Variants in C1orf185 observed in about 807,000 individuals in gnomAD.
C1orf185 encodes the protein uncharacterized protein C1orf185.
A neutral mutation model predicts 16.1 loss-of-function variants in C1orf185; 13 were observed. The ratio of observed to expected loss-of-function variants is 0.81; its 90% confidence interval spans 0.53 to 1.28. The LOEUF is 1.28. Among genes scored for constraint, C1orf185 ranks in the 50% most tolerant of loss-of-function variants. C1orf185 has a pLI of 0.00. For synonymous variants in C1orf185, 80 were observed against 76.9 expected (o/e 1.04, Z -0.21); for missense variants, 220 against 225.2 (o/e 0.98, Z 0.15).
At chr1:51,130,029 A>T (rs1160134646) in intron 3 of C1orf185, among the ~76,000 whole-genome samples, 1 of 152,184 alleles carries the variant, frequency 6.6e-6, no homozygotes, top group Non-Finnish European at 1.5e-5. Flanking sequence ...TGAGTAGTAT[A>T]ACATTGTGTG....
At chr1:51,121,547 G>A (rs917351232) in intron 3 of C1orf185, among the ~76,000 whole-genome samples, 4 of 152,034 alleles carry the variant, frequency 2.6e-5, no homozygotes, top group African/African-American at 9.7e-5. Flanking sequence ...AAAGTTTAAG[G>A]TAGTGCTAAC....
intron 3 of C1orf185, among the ~76,000 whole-genome samples, chr1:51,125,425 A>C (rs935409595): frequency 3.9e-5 from 6 of 152,120 alleles, no homozygotes; most frequent in Non-Finnish European, 7.4e-5. Flanking sequence ...TTTTAGTTTT[A>C]AGTTTTTAGT....
downstream of C1orf185, among the ~76,000 whole-genome samples, chr1:51,149,988 C>T (rs1646422744): frequency 6.6e-6 from 1 of 152,160 alleles, no homozygotes; most frequent in Non-Finnish European, 1.5e-5. Flanking sequence ...GGCCTAGCTT[C>T]AACTGTTGTT....
At chr1:51,130,119 A>G (rs1646272276) in intron 3 of C1orf185, among the ~76,000 whole-genome samples, 1 of 152,184 alleles carries the variant, frequency 6.6e-6, no homozygotes, top group Non-Finnish European at 1.5e-5. Context: ...TGCAGCTTGC[A>G]CATAAAGGGC....
chr1:51,124,237 A>T (rs892830067), intron 3 of C1orf185, among the ~76,000 whole-genome samples: 1 of 152,060 alleles, frequency 6.6e-6, no homozygotes, highest in Non-Finnish European at 1.5e-5. Context: ...GCCCGCCACC[A>T]TGCCCGGCTA....
intron 3 of C1orf185, among the ~76,000 whole-genome samples, chr1:51,122,766 G>A (rs1646207166): frequency 6.6e-6 from 1 of 151,978 alleles, no homozygotes; most frequent in Non-Finnish European, 1.5e-5. Context: ...TCTAACCCCT[G>A]GCAACCCCTG....
intron 3 of C1orf185, among the ~76,000 whole-genome samples, chr1:51,126,181 T>G (rs1036605755): frequency 1.3e-5 from 2 of 152,232 alleles, no homozygotes; most frequent in African/African-American, 4.8e-5. Context: ...CCACTGCAAC[T>G]GAGAAACTCA....
chr1:51,135,026 C>T (rs1302284962), intron 3 of C1orf185, among the ~76,000 whole-genome samples: 1 of 152,142 alleles, frequency 6.6e-6, no homozygotes, highest in Non-Finnish European at 1.5e-5. Context: ...GATACCAAAA[C>T]CTGGCAGAGA....
intron 3 of C1orf185, among the ~76,000 whole-genome samples, chr1:51,122,770 A>T (rs1646207228): frequency 6.6e-6 from 1 of 152,084 alleles, no homozygotes; most frequent in South Asian, 2.1e-4. Context: ...ACCCCTGGCA[A>T]CCCCTGATCC....
intron 3 of C1orf185, among the ~76,000 whole-genome samples, chr1:51,137,669 A>T (rs928725019): frequency 6.6e-6 from 1 of 152,244 alleles, no homozygotes; most frequent in African/African-American, 2.4e-5. Flanking sequence ...TTAAAAACAG[A>T]AATACCATTT....
chr1:51,125,236 C>G lies in C1orf185; in HGVS notation c.258+6435C>G, dbSNP rs534306451. ...AGAAAAATTAATGCTCCAATGCCCA[C>G]CCACAGCATCACATTATCTATTTAT... On this transcript the variant is annotated intron_variant, in intron 3 of 4. Transcript: ENST00000371759. 1.2e-4 allele frequency among the ~76,000 whole-genome samples: 18 copies of G among 152,310 alleles called. No individual in the cohort carries two copies. In the South Asian group the frequency reaches 3.3e-3, roughly 28 times the overall value.
At chr1:51,114,402 G>A (rs919118491) in intron 2 of C1orf185, among the ~76,000 whole-genome samples, 7 of 152,152 alleles carry the variant, frequency 4.6e-5, no homozygotes, top group African/African-American at 1.7e-4. Context: ...AGCCCCATGA[G>A]GTAAAAGTAA....
chr1:51,131,663 A>T (rs1199056180), intron 3 of C1orf185, among the ~76,000 whole-genome samples: 1 of 152,176 alleles, frequency 6.6e-6, no homozygotes, highest in Non-Finnish European at 1.5e-5. Context: ...TTAAAAAGAT[A>T]GTTAAGCTTA....
intron 3 of C1orf185, among the ~76,000 whole-genome samples, chr1:51,124,379 G>T (rs1008942978): frequency 1.3e-5 from 2 of 152,236 alleles, no homozygotes; most frequent in African/African-American, 4.8e-5. Context: ...ACTGTACCTG[G>T]CCTCTTTGCA....
rs1485027973 is a variant in C1orf185 at position 51,116,314 on chromosome 1, C to CT, written c.123-2352_123-2351insT. Among the ~76,000 whole-genome samples the CT allele has an allele frequency of 1.1e-4, 16 of 146,592 alleles. No homozygotes were observed. In the East Asian group the frequency reaches 2.4e-3, roughly 22 times the overall value. ...GGCAAATCTGATCAAGTCACCCTAC[C>CT]CTTTTTTTTTTTTTTTTTGAAACGG... On this transcript the variant is annotated intron_variant, in intron 2 of 4. Coordinates refer to ENST00000371759, the MANE Select transcript of C1orf185 (RefSeq NM_001136508.2).
chr1:51,111,950 C>A (rs1198518355), intron 1 of C1orf185, among the ~76,000 whole-genome samples: 1 of 152,206 alleles, frequency 6.6e-6, no homozygotes. Flanking sequence ...GCATGAGCCG[C>A]CACGCCCATC....
At chr1:51,103,450 A>AC (rs756442424) in intron 1 of C1orf185, among the ~76,000 whole-genome samples, 1,060 of 51,862 alleles carry the variant, frequency 0.02, 7 homozygotes, top group African/African-American at 0.033. Context: ...CACACACACA[A>AC]AAACCACGAA....
intron 3 of C1orf185, among the ~76,000 whole-genome samples, chr1:51,126,915 A>G (rs1271209610): frequency 6.6e-6 from 1 of 151,840 alleles, no homozygotes; most frequent in Non-Finnish European, 1.5e-5. Context: ...TTCTTGTTTA[A>G]CCTAACCTTT....
At chr1:51,133,745 G>C (rs938188394) in intron 3 of C1orf185, among the ~76,000 whole-genome samples, 1 of 152,326 alleles carries the variant, frequency 6.6e-6, no homozygotes, top group South Asian at 2.1e-4. Flanking sequence ...AAAAAGAACA[G>C]AATATACATT....
Sources: allele counts gnomAD v4.1 joint callset (sites outside exome capture counted in the v4.1 genomes callset), GRCh38; gene constraint gnomAD v4.1.1; transcripts MANE v1.5; gene names NCBI Gene and HGNC (gene_info 2026-07-23, HGNC 2026-07-21).